Variants in WWOX observed in about 807,000 individuals in gnomAD.
WWOX encodes WW domain containing oxidoreductase.
In WWOX, 69 loss-of-function variants were observed where a neutral mutation model predicts 46.2. The observed-to-expected ratio is 1.49, with a 90% CI of 1.23 to 1.82. WWOX has a LOEUF of 1.82. Among genes scored for constraint, WWOX ranks in the 40% most tolerant of loss-of-function variants. WWOX has a pLI of 0.00. For synonymous variants in WWOX, 359 were observed against 202.6 expected (o/e 1.77, Z -6.56); for missense variants, 919 against 542.6 (o/e 1.69, Z -6.89).
At chr16:79,099,235 A>G (rs117290783) in intron 8 of WWOX, among the ~76,000 whole-genome samples, 4,379 of 152,318 alleles carry the variant, frequency 0.029, 85 homozygotes, top group Middle Eastern at 0.048. Context: ...GGTAGGCTCC[A>G]TCTCCTGACA....
intron 8 of WWOX, among the ~76,000 whole-genome samples, chr16:78,628,403 C>G (rs2151655001): frequency 6.6e-6 from 1 of 152,250 alleles, no homozygotes; most frequent in African/African-American, 2.4e-5. Context: ...TTTACTAGGT[C>G]TGGGGTTGGG....
intron 8 of WWOX, among the ~76,000 whole-genome samples, chr16:79,126,233 G>C (rs537525969): frequency 8.3e-4 from 126 of 152,202 alleles, no homozygotes; most frequent in African/African-American, 3.0e-3. Flanking sequence ...GGTGCTGGGA[G>C]GACAGAATGC....
intron 8 of WWOX, among the ~76,000 whole-genome samples, chr16:78,459,762 C>G (rs1268765215): frequency 6.6e-6 from 1 of 152,100 alleles, no homozygotes; most frequent in Non-Finnish European, 1.5e-5. Context: ...TGAAGGCCTA[C>G]TTGATGCTGC....
At chr16:78,978,140 G>A (rs1190311709) in intron 8 of WWOX, among the ~76,000 whole-genome samples, 1 of 152,142 alleles carries the variant, frequency 6.6e-6, no homozygotes, top group Non-Finnish European at 1.5e-5. Flanking sequence ...ATGTGTTCAA[G>A]GTTGACCCAC....
intron 8 of WWOX, among the ~76,000 whole-genome samples, chr16:78,590,874 G>A (rs375246486): frequency 2.0e-5 from 3 of 152,118 alleles, no homozygotes; most frequent in East Asian, 1.9e-4. Flanking sequence ...AGACTCCAGC[G>A]TTTAGACAAC....
intron 8 of WWOX, among the ~76,000 whole-genome samples, chr16:78,852,591 C>T (rs1194495915): frequency 6.6e-6 from 1 of 152,156 alleles, no homozygotes; most frequent in Admixed American, 6.6e-5. Flanking sequence ...CAAGTCAAAT[C>T]AGCTAGCTAA....
In WWOX at chr16:78,646,525, T is replaced by G. The variant is rs76189096; in HGVS notation, c.1056+213773T>G. Among the ~76,000 whole-genome samples, 49 of 152,216 alleles carry G rather than the reference T, an allele frequency of 3.2e-4. 3 individuals are homozygous for G. In the East Asian group the frequency reaches 9.5e-3, roughly 30 times the overall value. ...TCACTGCATCCCCTGTCTCCCGGATTCAAGCAATTCTCTGGCCTCAGCCTC... is the reference window on the plus strand; with the variant it reads ...TCACTGCATCCCCTGTCTCCCGGATGCAAGCAATTCTCTGGCCTCAGCCTC... On this transcript the variant is annotated intron_variant, in intron 8 of 8. Coordinates refer to ENST00000566780, the MANE Select transcript of WWOX (RefSeq NM_016373.4).
chr16:78,438,261 G>A (rs368817509), intron 8 of WWOX, among the ~76,000 whole-genome samples: 1 of 152,108 alleles, frequency 6.6e-6, no homozygotes, highest in South Asian at 2.1e-4. Flanking sequence ...GAAAAGCACA[G>A]AAACCTCATG....
At chr16:78,853,570 C>T (rs1050408799) in intron 8 of WWOX, among the ~76,000 whole-genome samples, 1 of 152,262 alleles carries the variant, frequency 6.6e-6, no homozygotes, top group South Asian at 2.1e-4. Flanking sequence ...TCTTCTTGAC[C>T]ATGAGGCAGA....
intron 8 of WWOX, among the ~76,000 whole-genome samples, chr16:78,737,453 T>G (rs1194234374): frequency 6.6e-5 from 10 of 152,066 alleles, no homozygotes; most frequent in Non-Finnish European, 1.3e-4. Context: ...ATGTATTTAT[T>G]AAGTTTGGGG....
chr16:78,578,271 TATATATATATA>T (rs2044947153), intron 8 of WWOX, among the ~76,000 whole-genome samples: 1 of 33,768 alleles, frequency 3.0e-5, no homozygotes, highest in East Asian at 6.4e-4. Flanking sequence ...TATATATATA[TATATATATATA>T]TATTTTTTTT....
intron 8 of WWOX, among the ~76,000 whole-genome samples, chr16:78,977,010 G>C (rs1444242465): frequency 6.6e-6 from 1 of 152,160 alleles, no homozygotes; most frequent in Non-Finnish European, 1.5e-5. Context: ...AAGCTCATCA[G>C]AGAGCTTTCC....
chr16:78,712,831 G>C (rs1050650282), intron 8 of WWOX, among the ~76,000 whole-genome samples: 2 of 152,126 alleles, frequency 1.3e-5, no homozygotes, highest in African/African-American at 4.8e-5. Flanking sequence ...ATTCAAGATT[G>C]GAAAATGTTC....
chr16:79,185,846 A>G (rs1487460358), intron 8 of WWOX, among the ~76,000 whole-genome samples: 1 of 152,112 alleles, frequency 6.6e-6, no homozygotes, highest in African/African-American at 2.4e-5. Context: ...TCTGTTTTCT[A>G]GGAAGTACTA....
chr16:79,128,971 G>A (rs16949643), intron 8 of WWOX, among the ~76,000 whole-genome samples: 1,772 of 152,308 alleles, frequency 0.012, 39 homozygotes, highest in African/African-American at 0.041. Context: ...AGGGGGCCAA[G>A]CGTCCCTTCT....
At chr16:79,113,093 G>C (rs1402145704) in intron 8 of WWOX, among the ~76,000 whole-genome samples, 1 of 152,216 alleles carries the variant, frequency 6.6e-6, no homozygotes, top group East Asian at 1.9e-4. Flanking sequence ...GTGGAACAGA[G>C]AGATTAAGCA....
intron 8 of WWOX, among the ~76,000 whole-genome samples, chr16:78,445,939 A>G (rs555690810): frequency 1.5e-4 from 23 of 152,244 alleles, no homozygotes; most frequent in African/African-American, 4.8e-4. Flanking sequence ...TACGTTTTTG[A>G]TGAGCCTAGC....
At chr16:79,153,469 G>A (rs551212117) in intron 8 of WWOX, among the ~76,000 whole-genome samples, 6 of 152,236 alleles carry the variant, frequency 3.9e-5, no homozygotes, top group Admixed American at 1.3e-4. Flanking sequence ...GGTTTACATC[G>A]GGAATGCCTT....
At chr16:78,145,952 T>G (rs1448590969) in intron 4 of WWOX, 3 of 152,216 alleles carry the variant, frequency 2.0e-5, no homozygotes, top group Admixed American at 6.5e-5. Context: ...CCTGATCTGT[T>G]TCTCTTCCAA....
Sources: gnomAD v4.1 joint callset for allele counts (sites outside exome capture counted in the v4.1 genomes callset) on GRCh38, gnomAD v4.1.1 for gene constraint, MANE v1.5 for transcripts, NCBI Gene and HGNC (gene_info 2026-07-23, HGNC 2026-07-21) for gene names.